The following TMEM217B variants were observed in gnomAD, a reference collection of about 807,000 sequenced individuals.
The protein encoded by TMEM217B is transmembrane protein 217B.
chr6:37,245,762 A>G, the TMEM217B span, among the ~76,000 whole-genome samples: 3 of 151,692 alleles, frequency 2.0e-5, no homozygotes, highest in Admixed American at 6.6e-5. Flanking sequence ...GAGGAGATCT[A>G]CTAGCCTCTC....
At chr6:37,212,183 T>G in the TMEM217B span, 1 of 288,846 alleles carries the variant, frequency 3.5e-6, no homozygotes, top group Non-Finnish European at 6.8e-6. Context: ...ACCAGTGAGA[T>G]GGTTAAGTAA....
chr6:37,223,257 C>A, the TMEM217B span, among the ~76,000 whole-genome samples: 1 of 151,894 alleles, frequency 6.6e-6, no homozygotes, highest in Admixed American at 6.6e-5. Flanking sequence ...TGCACAGATT[C>A]AAGAAACCTA....
chr6:37,242,685 T>C, the TMEM217B span, among the ~76,000 whole-genome samples: 1 of 152,354 alleles, frequency 6.6e-6, no homozygotes, highest in East Asian at 1.9e-4. Flanking sequence ...CCTTCTCATG[T>C]ATCTAATACT....
chr6:37,224,002 T>C, the TMEM217B span, among the ~76,000 whole-genome samples: 22,787 of 150,072 alleles, frequency 0.15, 2,006 homozygotes, highest in Non-Finnish European at 0.2. Flanking sequence ...AGTGGCACGA[T>C]CTCAGCTCAC....
the TMEM217B span, among the ~76,000 whole-genome samples, chr6:37,215,587 A>G: frequency 4.0e-5 from 6 of 150,490 alleles, no homozygotes; most frequent in Middle Eastern, 3.4e-3. Context: ...AAAAAAAAAA[A>G]AAAAAAAAAA....
the TMEM217B span, among the ~76,000 whole-genome samples, chr6:37,256,523 G>A: frequency 2.6e-5 from 4 of 152,134 alleles, no homozygotes; most frequent in Non-Finnish European, 4.4e-5. Context: ...AAGATAAGAT[G>A]CTTTTATAGC....
At chr6:37,212,759 C>A in the TMEM217B span, 1 of 693,354 alleles carries the variant, frequency 1.4e-6, no homozygotes. Flanking sequence ...AGGAAGCAGC[C>A]GATGATGATG....
At chr6:37,252,637 A>ATTTTTTTT in the TMEM217B span, among the ~76,000 whole-genome samples, 3 of 71,358 alleles carry the variant, frequency 4.2e-5, no homozygotes, top group African/African-American at 1.0e-4. Context: ...ATATATATAT[A>ATTTTTTTT]TTTTTTTTTT....
the TMEM217B span, among the ~76,000 whole-genome samples, chr6:37,217,426 T>C: frequency 1.3e-5 from 2 of 152,234 alleles, no homozygotes; most frequent in Admixed American, 6.5e-5. Context: ...ATTTACTTTC[T>C]TCCACTAAAC....
the TMEM217B span, among the ~76,000 whole-genome samples, chr6:37,220,361 G>A: frequency 6.6e-6 from 1 of 152,202 alleles, no homozygotes; most frequent in Non-Finnish European, 1.5e-5. Context: ...GGTCCACCAA[G>A]GTGAGGAGTC....
chr6:37,226,121 T>C, the TMEM217B span, among the ~76,000 whole-genome samples: 11 of 152,132 alleles, frequency 7.2e-5, no homozygotes, highest in Non-Finnish European at 1.3e-4. Context: ...TTGACTTTGC[T>C]CTTTTGAAGA....
chr6:37,219,837 G>GTTTCAGGATATAACCA, the TMEM217B span, among the ~76,000 whole-genome samples: 2 of 152,168 alleles, frequency 1.3e-5, no homozygotes, highest in Non-Finnish European at 2.9e-5. Flanking sequence ...GAGTACAGAT[G>GTTTCAGGATATAACCA]TTTCAGGATA....
chr6:37,242,008 ATT>A, the TMEM217B span, among the ~76,000 whole-genome samples: 620 of 129,912 alleles, frequency 4.8e-3, 8 homozygotes, highest in African/African-American at 0.015. Flanking sequence ...TTCGATCTCA[ATT>A]TTTTTTTTTT....
chr6:37,240,409 C>T, the TMEM217B span, among the ~76,000 whole-genome samples: 2 of 152,210 alleles, frequency 1.3e-5, no homozygotes, highest in Non-Finnish European at 2.9e-5. Flanking sequence ...GGCCAGAGAA[C>T]TCAGTTCCTC....
chr6:37,229,335 G>GCTTTTTT, the TMEM217B span, among the ~76,000 whole-genome samples: 2 of 74,370 alleles, frequency 2.7e-5, no homozygotes, highest in African/African-American at 1.1e-4. Context: ...GCAACTTTCA[G>GCTTTTTT]TTTTTTTTTT....
At chr6:37,215,574 A>G in the TMEM217B span, among the ~76,000 whole-genome samples, 4 of 19,858 alleles carry the variant, frequency 2.0e-4, no homozygotes, top group African/African-American at 8.9e-4. Flanking sequence ...CTGTCTCAAA[A>G]AAAAAAAAAA....
the TMEM217B span, among the ~76,000 whole-genome samples, chr6:37,239,430 G>A: frequency 2.0e-5 from 3 of 151,896 alleles, no homozygotes; most frequent in South Asian, 2.1e-4. Flanking sequence ...AACCATGATC[G>A]TGCCACTGAA....
At chr6:37,219,743 A>G in the TMEM217B span, among the ~76,000 whole-genome samples, 1 of 152,138 alleles carries the variant, frequency 6.6e-6, no homozygotes, top group African/African-American at 2.4e-5. Flanking sequence ...AAAAAAAAAA[A>G]ATTATGCTGT....
At chr6:37,215,308 T>A in the TMEM217B span, 5 of 1,607,874 alleles carry the variant, frequency 3.1e-6, no homozygotes, top group East Asian at 1.1e-4. Flanking sequence ...AACAAATGAA[T>A]AAAAATTGTT....
Sources: gnomAD v4.1 joint callset for allele counts (sites outside exome capture counted in the v4.1 genomes callset) on GRCh38, gnomAD v4.1.1 for gene constraint, MANE v1.5 for transcripts, NCBI Gene and HGNC (gene_info 2026-07-23, HGNC 2026-07-21) for gene names.